Variants in PCLO observed in about 807,000 individuals in gnomAD.
PCLO encodes piccolo presynaptic cytomatrix protein, also known as protein piccolo.
In PCLO, 82 loss-of-function variants were observed where a neutral mutation model predicts 427.5. The ratio of observed to expected loss-of-function variants is 0.19; its 90% CI spans 0.16 to 0.23. The LOEUF (loss-of-function observed/expected upper bound fraction) is 0.23. Ranked by LOEUF, PCLO falls within the 10% of genes least tolerant of loss-of-function variation. The pLI is 1.00. For synonymous variants in PCLO, 2,357 were observed against 2,155.4 expected, an observed-to-expected ratio of 1.09 and a Z score of -2.59; for missense variants, 6,239 against 6,115.9, an observed-to-expected ratio of 1.02 and a Z score of -0.67.
intron 20 of PCLO, chr7:82,821,892 A>G (rs1791800947): frequency 1.0e-6 from 1 of 985,020 alleles, no homozygotes. Flanking sequence ...ATTTTTCAGA[A>G]GACTACAATT....
intron 3 of PCLO, among the ~76,000 whole-genome samples, chr7:83,004,636 A>C (rs1166170406): frequency 2.2e-5 from 2 of 90,122 alleles, no homozygotes; most frequent in Non-Finnish European, 4.1e-5. Context: ...TATAACACTA[A>C]AAAACATAAC....
At chr7:82,811,164 G>T (rs1562796565) in intron 20 of PCLO, among the ~76,000 whole-genome samples, 1 of 151,426 alleles carries the variant, frequency 6.6e-6, no homozygotes, top group African/African-American at 2.4e-5. Context: ...AAAATTTTAA[G>T]ATTAACCGAA....
At chr7:83,115,810 G>A (rs1791116661) in intron 3 of PCLO, among the ~76,000 whole-genome samples, 3 of 151,924 alleles carry the variant, frequency 2.0e-5, no homozygotes, top group Admixed American at 2.0e-4. Flanking sequence ...TGACAAGGCA[G>A]ATGTGATTCA....
intron 3 of PCLO, among the ~76,000 whole-genome samples, chr7:83,035,887 A>G (rs573067745): frequency 6.6e-6 from 1 of 152,270 alleles, no homozygotes; most frequent in African/African-American, 2.4e-5. Context: ...CCCCGTTTTT[A>G]TTACACTACA....
intron 9 of PCLO, among the ~76,000 whole-genome samples, chr7:82,892,179 C>T (rs1793784157): frequency 2.0e-5 from 3 of 152,146 alleles, no homozygotes; most frequent in African/African-American, 4.8e-5. Context: ...TCAAACTATA[C>T]TACAAGGCTA....
chr7:82,875,185 G>C (rs1273349372), intron 10 of PCLO, among the ~76,000 whole-genome samples: 1 of 152,100 alleles, frequency 6.6e-6, no homozygotes, highest in African/African-American at 2.4e-5. Context: ...TTGATTCTCT[G>C]AGTTCTTTCA....
In PCLO at chr7:82,758,292, G is replaced by T; in HGVS notation, c.*283C>A. 1 of 272,736 alleles carries T rather than the reference G, an allele frequency of 3.7e-6. No homozygotes were observed. 16.9% of individuals were successfully genotyped at this position (272,736 alleles called of 1,614,324 possible). ...AGCTCAACTCTACTCAAAGATTATT[G>T]TCTTAAGTAATCAAAATTTGTTTCA... On this transcript the variant is annotated 3_prime_UTR_variant, in exon 25 of 25. Coordinates refer to ENST00000333891, the MANE Select transcript of PCLO (RefSeq NM_033026.6).
intron 3 of PCLO, among the ~76,000 whole-genome samples, chr7:83,070,671 G>GC (rs1789791399): frequency 6.6e-6 from 1 of 152,184 alleles, no homozygotes; most frequent in South Asian, 2.1e-4. Flanking sequence ...ACAGGCGTGA[G>GC]CCACTGCACC....
intron 6 of PCLO, among the ~76,000 whole-genome samples, chr7:82,940,085 C>T (rs1457977216): frequency 1.3e-5 from 2 of 152,048 alleles, no homozygotes; most frequent in Admixed American, 1.3e-4. Context: ...TCTACACATC[C>T]AATGTCATGA....
intron 3 of PCLO, among the ~76,000 whole-genome samples, chr7:83,123,099 T>C (rs561727435): frequency 9.4e-4 from 143 of 152,204 alleles, no homozygotes; most frequent in African/African-American, 3.2e-3. Context: ...ATCAAAATAC[T>C]AGTAACTTTC....
At chr7:82,872,564 C>A (rs1793262846) in intron 10 of PCLO, among the ~76,000 whole-genome samples, 1 of 151,968 alleles carries the variant, frequency 6.6e-6, no homozygotes, top group Non-Finnish European at 1.5e-5. Flanking sequence ...GAAGAAGCCA[C>A]AGAACATTCT....
intron 10 of PCLO, among the ~76,000 whole-genome samples, chr7:82,871,049 G>C (rs1419697784): frequency 6.6e-6 from 1 of 151,992 alleles, no homozygotes; most frequent in East Asian, 1.9e-4. Context: ...AAACAGTATG[G>C]AGATTCCTCA....
chr7:82,968,369 T>C (rs1378114488), intron 3 of PCLO, among the ~76,000 whole-genome samples: 1 of 152,188 alleles, frequency 6.6e-6, no homozygotes, highest in African/African-American at 2.4e-5. Flanking sequence ...TTATGTCAAA[T>C]GCTAAAAGTT....
intron 3 of PCLO, among the ~76,000 whole-genome samples, chr7:82,994,377 A>G (rs1796446024): frequency 6.6e-6 from 1 of 151,906 alleles, no homozygotes. Flanking sequence ...GATATTCAGG[A>G]AAGGAAAGTC....
At chr7:82,966,915 A>T (rs1795788058) in intron 3 of PCLO, among the ~76,000 whole-genome samples, 2 of 152,154 alleles carry the variant, frequency 1.3e-5, no homozygotes, top group African/African-American at 4.8e-5. Context: ...ATAATAACCA[A>T]TTAATCAAAA....
chr7:83,120,837 A>G (rs192777281), intron 3 of PCLO, among the ~76,000 whole-genome samples: 1 of 152,320 alleles, frequency 6.6e-6, no homozygotes, highest in East Asian at 1.9e-4. Flanking sequence ...GAAATCCTAA[A>G]AGGAGTTCAT....
At chr7:83,096,804 AATAT>A (rs763961595) in intron 3 of PCLO, among the ~76,000 whole-genome samples, 211 of 45,880 alleles carry the variant, frequency 4.6e-3, no homozygotes, top group East Asian at 0.019. Flanking sequence ...AAAATATATT[AATAT>A]TATATAATAT....
chr7:82,952,228 C>A lies in PCLO; in HGVS notation c.8725G>T (p.Val2909Phe). The A allele has an allele frequency of 3.7e-6, 6 of 1,613,896 alleles. No individual in the cohort carries two copies. Among genetic ancestry groups the A allele is most frequent in the Non-Finnish European group, 5.1e-6 (6 of 1,179,838 alleles). ...DLSTTKSHRT[V>F]VTMDESTSSV... Reference sequence around the variant, plus strand: ...GAAGTAGACTCATCCATTGTTACGACTGTTCTGTGAGACTTGGTTGTACTG... The same window carrying A: ...GAAGTAGACTCATCCATTGTTACGAATGTTCTGTGAGACTTGGTTGTACTG... Residue 2909 changes from valine (V) to phenylalanine (F), a missense_variant, in exon 5 of 25, where the codon GTC becomes TTC. Physicochemically the swap from Val to Phe is conservative, Grantham distance 50. This residue lies in a region of PCLO where 4,677 missense variants were observed against 4,468.4 expected (regional missense o/e 1.05). Coordinates refer to ENST00000333891, the MANE Select transcript of PCLO (RefSeq NM_033026.6).
At chr7:83,045,044 T>C (rs1789070807) in intron 3 of PCLO, among the ~76,000 whole-genome samples, 1 of 152,188 alleles carries the variant, frequency 6.6e-6, no homozygotes. Flanking sequence ...CTATGATAGT[T>C]GTAAAATCTG....
Sources: allele counts gnomAD v4.1 joint callset (sites outside exome capture counted in the v4.1 genomes callset), GRCh38; gene constraint gnomAD v4.1.1; regional missense constraint gnomAD v4.1.1; transcripts MANE v1.5; gene names NCBI Gene and HGNC (gene_info 2026-07-23, HGNC 2026-07-21).